The following NES variants were observed in gnomAD, a reference collection of about 807,000 sequenced individuals.
The protein encoded by NES is nestin.
Under a neutral mutation model 35.6 loss-of-function variants are expected in NES, and 27 were observed. That is an observed-to-expected ratio of 0.76 (90% CI 0.56 to 1.04). The LOEUF is 1.04. Ranked by LOEUF, NES falls within the 50% of genes least tolerant of loss-of-function variation. The pLI, the probability that NES is intolerant of heterozygous loss-of-function variation, is 0.00. For missense variants in NES, 1,867 were observed against 1,983.6 expected (o/e 0.94, Z 1.12); for synonymous variants, 822 against 824.2 (o/e 1.00, Z 0.04).
chr1:156,670,271 C>G lies in NES; in HGVS notation c.3917G>C (p.Arg1306Thr). Residue 1306 changes from arginine to threonine, a missense_variant, in exon 4 of 4, where the codon AGG becomes ACG. Physicochemically the swap from Arg to Thr is moderately conservative, Grantham distance 71 (BLOSUM62 -1). Coordinates refer to ENST00000368223, the MANE Select transcript of NES (RefSeq NM_006617.2). Reference sequence around the variant, plus strand: ...GTCCCACCTGGGGGAGGTGGGGGACCTGAGGTAGAAGCCCAGGGGAGTGGA... The same window carrying G: ...GTCCCACCTGGGGGAGGTGGGGGACGTGAGGTAGAAGCCCAGGGGAGTGGA... ...PDSTPLGFYL[R>T]SPTSPRWDPT... 3 of 1,611,524 alleles carry G rather than the reference C, an allele frequency of 1.9e-6. No homozygotes were observed. The highest frequency in any genetic ancestry group is 2.5e-6 in the Non-Finnish European group (3 of 1,178,398).
At position 156,677,103 on chromosome 1, in the gene NES, C is replaced by G. The variant is rs1220304275; in HGVS notation, c.162G>C (p.Ala54=). Residue 54 remains alanine (A), a synonymous_variant, in exon 1 of 4, where the codon GCG becomes GCC. Coordinates refer to ENST00000368223, the MANE Select transcript of NES (RefSeq NM_006617.2). This position sits in a 1 kb window ranked among gnomAD's most constrained non-coding sequence, Gnocchi z 4.5. ...GGGCCGCCAGCTCGTCGTCGGCATG[C>G]GCCCGCCAGGAGGTGTCCGCGGATT... ...RAQSADTSWR[A]HADDELAALR... The G allele has an allele frequency of 1.2e-6, 2 of 1,602,792 alleles. No individual in the cohort carries two copies. Among genetic ancestry groups the G allele is most frequent in the African/African-American group, 2.7e-5 (2 of 74,578 alleles).
intron 2 of NES, among the ~76,000 whole-genome samples, chr1:156,674,937 C>G (rs112099817): frequency 6.6e-6 from 1 of 152,108 alleles, no homozygotes; most frequent in Non-Finnish European, 1.5e-5. Context: ...TTGCCCCACA[C>G]GGGCCCAGCC....
chr1:156,677,243 C>G lies in NES; in HGVS notation c.22G>C (p.Glu8Gln). 1 of 1,612,562 alleles carries G rather than the reference C, an allele frequency of 6.2e-7. No homozygotes were observed. Among genetic ancestry groups the G allele is most frequent in the Non-Finnish European group, 8.5e-7 (1 of 1,179,850 alleles). Residue 8 changes from glutamate to glutamine, a missense_variant, in exon 1 of 4, where the codon GAG becomes CAG. Glu to Gln is a conservative substitution (Grantham distance 29). Coordinates refer to ENST00000368223, the MANE Select transcript of NES (RefSeq NM_006617.2). This position sits in a 1 kb window ranked among gnomAD's most constrained non-coding sequence, Gnocchi z 4.5. MEGCMGE[E>Q]SFQMWELNRR... Reference sequence around the variant, plus strand: ...TTGAGCTCCCACATCTGAAACGACTCCTCCCCCATGCAGCCCTCCATCCTG... The same window carrying G: ...TTGAGCTCCCACATCTGAAACGACTGCTCCCCCATGCAGCCCTCCATCCTG...
Position 156,676,147 on chromosome 1 carries a change from G to T in NES, c.783+335C>A, listed in dbSNP as rs1269122043. Among the ~76,000 whole-genome samples the T allele has an allele frequency of 1.3e-5, 2 of 152,248 alleles. No individual in the cohort carries two copies. Among genetic ancestry groups the T allele is most frequent in the African/African-American group, 2.4e-5 (1 of 41,470 alleles). ...GATTCAGCGCAGAGGCGACAGTGCT[G>T]GGTGTCCTCCTAGTAATACCAGAGC... On this transcript the variant is annotated intron_variant, in intron 1 of 3. Coordinates refer to ENST00000368223, the MANE Select transcript of NES (RefSeq NM_006617.2). The surrounding 1 kb of genome is among the most constrained non-coding windows in gnomAD (Gnocchi z 5.3).
chr1:156,670,348 C>T lies in NES; in HGVS notation c.3840G>A (p.Glu1280=), dbSNP rs751636108. 1 of 1,610,966 alleles carries T rather than the reference C, an allele frequency of 6.2e-7. No individual in the cohort carries two copies. ...EIPEGPQEEG[E]ESREESEEDE... ...CCTCCTCGCTCTCTTCTCTGCTCTC[C>T]TCCCCTTCCTCCTGGGGGCCCTCGG... The change falls in exon 4 of 4, where the codon GAG becomes GAA. Residue 1280 remains glutamate (E), a synonymous_variant. Transcript: ENST00000368223.
In NES at chr1:156,673,509, C is replaced by G. The variant is rs753225325; in HGVS notation, c.927G>C (p.Glu309Asp). The change falls in exon 3 of 4, where the codon GAG becomes GAC. Residue 309 changes from glutamate to aspartate, a missense_variant. Coordinates refer to ENST00000368223, the MANE Select transcript of NES (RefSeq NM_006617.2). ...CGCCAGGTGTTTGCAGCCGGGAGTT[C>G]TCAGCCTCCAGGAGGGTCCTGGAGA... ...VATYRTLLEA[E>D]NSRLQTPGGG... is the part of the protein sequence containing the mutation. The G allele has an allele frequency of 1.2e-6, 2 of 1,612,756 alleles. No individual in the cohort carries two copies. Among genetic ancestry groups the G allele is most frequent in the Non-Finnish European group, 1.7e-6 (2 of 1,179,118 alleles).
chr1:156,676,454 C>T lies in NES; in HGVS notation c.783+28G>A, dbSNP rs1647292359. 1 of 1,595,184 alleles carries T rather than the reference C, an allele frequency of 6.3e-7. No homozygotes were observed. The highest frequency in any genetic ancestry group is 1.1e-5 in the South Asian group (1 of 90,322). ...ACTTTCTGGAGCTTTCTGGGACTTT[C>T]TCTCACCCAGGCCCTCAACCTCCTC... is the stretch of plus-strand genomic sequence containing the variant. On this transcript the variant is annotated intron_variant, in intron 1 of 3. Transcript: ENST00000368223. This position sits in a 1 kb window ranked among gnomAD's most constrained non-coding sequence, Gnocchi z 5.3.
Position 156,673,024 on chromosome 1 carries a change from G to A in NES, c.1164C>T (p.Thr388=). The A allele has an allele frequency of 6.2e-7, 1 of 1,611,568 alleles. No homozygotes were observed. The highest frequency in any genetic ancestry group is 8.5e-7 in the Non-Finnish European group (1 of 1,178,052). ...LQARTPTLAS[T]PIPPTPQAPS... Reference sequence around the variant, plus strand: ...GTGCCTGAGGTGTGGGGGGGATGGGGGTGCTGGCCAAGGTAGGGGTACGGG... The same window carrying A: ...GTGCCTGAGGTGTGGGGGGGATGGGAGTGCTGGCCAAGGTAGGGGTACGGG... Residue 388 remains threonine (T), a synonymous_variant, in exon 4 of 4, where the codon ACC becomes ACT. Coordinates refer to ENST00000368223, the MANE Select transcript of NES (RefSeq NM_006617.2).
In NES at chr1:156,672,319, C is replaced by T; in HGVS notation, c.1869G>A (p.Gln623=). 1.2e-6 allele frequency: 2 copies of T among 1,610,920 alleles called. No homozygotes were observed. The highest frequency in any genetic ancestry group is 2.2e-5 in the South Asian group (2 of 90,622). ...TCTCCTTTTGCAGGGATTGCAATGT[C>T]TGTGTGTCCTCTTTTCCTGTAGGCT... ...QLKPTGKEDT[Q]TLQSLQKENQ... is the part of the protein sequence containing the mutation. Residue 623 remains glutamine (Q), a synonymous_variant, in exon 4 of 4, where the codon CAG becomes CAA. Coordinates refer to ENST00000368223, the MANE Select transcript of NES (RefSeq NM_006617.2).
Position 156,671,542 on chromosome 1 carries a change from T to C in NES, c.2646A>G (p.Arg882=), listed in dbSNP as rs1206057929. The C allele has an allele frequency of 1.2e-6, 2 of 1,613,890 alleles. No homozygotes were observed. The highest frequency in any genetic ancestry group is 1.7e-6 in the Non-Finnish European group (2 of 1,179,976). Residue 882 remains arginine, a synonymous_variant, in exon 4 of 4, where the codon AGA becomes AGG. Coordinates refer to ENST00000368223, the MANE Select transcript of NES (RefSeq NM_006617.2). ...ESVEVNQETF[R]LLEEENQESL... ...ATTCCTGATTCTCCTCTTCCAGGAG[T>C]CTGAATGTCTCTTGGTTCACTTCCA...
In NES at chr1:156,676,859, C is replaced by G; in HGVS notation, c.406G>C (p.Glu136Gln). The change falls in exon 1 of 4, where the codon GAG becomes CAG. Residue 136 changes from glutamate (E) to glutamine (Q), a missense_variant. Coordinates refer to ENST00000368223, the MANE Select transcript of NES (RefSeq NM_006617.2). The surrounding 1 kb of genome is among the most constrained non-coding windows in gnomAD (Gnocchi z 5.3). ...TGCGCCACGCGTAGAGCCTCTAGCTCGCGCTCCAGCTCTGCCACCTGGCTA... is the reference window on the plus strand; with the variant it reads ...TGCGCCACGCGTAGAGCCTCTAGCTGGCGCTCCAGCTCTGCCACCTGGCTA... ...LSSQVAELER[E>Q]LEALRVAHEE... 2 of 1,513,990 alleles carry G rather than the reference C, an allele frequency of 1.3e-6. No homozygotes were observed. The highest frequency in any genetic ancestry group is 1.7e-6 in the Non-Finnish European group (2 of 1,144,852). 93.8% of individuals were successfully genotyped at this position (1,513,990 alleles called of 1,614,324 possible). A position where few individuals can be genotyped will look rare whatever the true frequency, so the allele number is the denominator to read the frequency against.
In NES at chr1:156,670,590, G is replaced by A. The variant is rs1373731571; in HGVS notation, c.3598C>T (p.Pro1200Ser). 6 of 1,613,538 alleles carry A rather than the reference G, an allele frequency of 3.7e-6. No individual in the cohort carries two copies. Among genetic ancestry groups the A allele is most frequent in the Non-Finnish European group, 5.1e-6 (6 of 1,179,830 alleles). The change falls in exon 4 of 4, where the codon CCT becomes TCT. Residue 1200 changes from proline (P) to serine (S), a missense_variant. Pro to Ser is a moderately conservative substitution (Grantham distance 74, BLOSUM62 -1). Coordinates refer to ENST00000368223, the MANE Select transcript of NES (RefSeq NM_006617.2). Reference sequence around the variant, plus strand: ...TCTGACCCCAGAGGCCAAGGTGAAGGGGCATCACTTCCAGTGTGGCCCAGG... The same window carrying A: ...TCTGACCCCAGAGGCCAAGGTGAAGAGGCATCACTTCCAGTGTGGCCCAGG... ...ETLGHTGSDA[P>S]SPWPLGSEEA...
At position 156,672,275 on chromosome 1, in the gene NES, G is replaced by C. The variant is rs148672848; in HGVS notation, c.1913C>G (p.Ser638Cys). 1.2e-6 allele frequency: 2 copies of C among 1,602,158 alleles called. No individual in the cohort carries two copies. The highest frequency in any genetic ancestry group is 1.7e-6 in the Non-Finnish European group (2 of 1,176,190). Residue 638 changes from serine (S) to cysteine (C), a missense_variant, in exon 4 of 4, where the codon TCT (serine) becomes TGT (cysteine). Coordinates refer to ENST00000368223, the MANE Select transcript of NES (RefSeq NM_006617.2). ...LQKENQELMKSLEGNLETFLF... is the reference protein window; with the variant it reads ...LQKENQELMKCLEGNLETFLF... ...AAATGTCTCTAGATTACCTTCAAGA[G>C]ATTTCATTAGTTCTTGATTCTCCTT...
Position 156,669,391 on chromosome 1 carries a change from G to T in NES, c.4797C>A (p.Gly1599=). 4 of 1,611,398 alleles carry T rather than the reference G, an allele frequency of 2.5e-6. No homozygotes were observed. The highest frequency in any genetic ancestry group is 3.4e-6 in the Non-Finnish European group (4 of 1,178,104). ...TSWAGAPVHL[G]QGQFLKFTQR... ...GAGTGAACTTCAGGAACTGACCCTG[G>T]CCCAGGTGAACAGGAGCCCCTGCCC... Residue 1599 remains glycine (G), a synonymous_variant, in exon 4 of 4, where the codon GGC becomes GGA. Transcript: ENST00000368223.
Position 156,672,002 on chromosome 1 carries a change from T to C in NES, c.2186A>G (p.Asp729Gly), listed in dbSNP as rs1359296725. The C allele has an allele frequency of 6.2e-7, 1 of 1,614,072 alleles. No homozygotes were observed. Among genetic ancestry groups the C allele is most frequent in the Non-Finnish European group, 8.5e-7 (1 of 1,179,988 alleles). Residue 729 changes from aspartate to glycine, a missense_variant, in exon 4 of 4, where the codon GAC becomes GGC. Asp to Gly is a moderately conservative substitution (Grantham distance 94, BLOSUM62 -1). Coordinates refer to ENST00000368223, the MANE Select transcript of NES (RefSeq NM_006617.2). ...QEPLKTLEEE[D>G]QSIVRPLETE... ...TTCTAGAGGTCTCACAATACTCTGG[T>C]CCTCTTCTTCTAGAGTCTTCAGTGG...
Position 156,671,087 on chromosome 1 carries a change from C to T in NES, c.3101G>A (p.Gly1034Glu). 1 of 1,614,006 alleles carries T rather than the reference C, an allele frequency of 6.2e-7. No individual in the cohort carries two copies. Among genetic ancestry groups the T allele is most frequent in the Non-Finnish European group, 8.5e-7 (1 of 1,180,014 alleles). The change falls in exon 4 of 4, where the codon GGG (glycine) becomes GAG (glutamate). Residue 1034 changes from glycine to glutamate, a missense_variant. Coordinates refer to ENST00000368223, the MANE Select transcript of NES (RefSeq NM_006617.2). ...TTCAGGGTCCTGGAGGCCCTCAGCCCCTCCCTTCACACTGGCTCCCTCAAC... is the reference window on the plus strand; with the variant it reads ...TTCAGGGTCCTGGAGGCCCTCAGCCTCTCCCTTCACACTGGCTCCCTCAAC... ...GLVEGASVKG[G>E]AEGLQDPEGQ... is the part of the protein sequence containing the mutation.
At chr1:156,673,646 C>A (rs991078491) in intron 2 of NES, 119 bp from the exon 3 acceptor site, 13 of 618,534 alleles carry the variant, frequency 2.1e-5, no homozygotes, top group Non-Finnish European at 3.4e-5. Context: ...GCTTCCTCTT[C>A]ATTTGACACT....
chr1:156,672,685 G>T lies in NES; in HGVS notation c.1503C>A (p.Ile501=), dbSNP rs1679760827. The T allele has an allele frequency of 6.2e-7, 1 of 1,613,640 alleles. No individual in the cohort carries two copies. Among genetic ancestry groups the T allele is most frequent in the African/African-American group, 1.3e-5 (1 of 74,916 alleles). ...CTGTTTCTTTCTCTACCAACCCCCA[G>T]ATTTGCCCTTCACCTTCCCCTCGGC... ...SICRGEGEGQ[I]WGLVEKETAI... Residue 501 remains isoleucine, a synonymous_variant, in exon 4 of 4, where the codon ATC becomes ATA. Transcript: ENST00000368223.
In NES at chr1:156,670,575, G is replaced by A; in HGVS notation, c.3613C>T (p.Leu1205=). The A allele has an allele frequency of 6.2e-7, 1 of 1,613,098 alleles. No homozygotes were observed. Among genetic ancestry groups the A allele is most frequent in the Non-Finnish European group, 8.5e-7 (1 of 1,179,436 alleles). The change falls in exon 4 of 4, where the codon CTG becomes TTG. Residue 1205 remains leucine (L), a synonymous_variant. Coordinates refer to ENST00000368223, the MANE Select transcript of NES (RefSeq NM_006617.2). The part of the protein sequence containing the change: ...TGSDAPSPWP[L]GSEEAEEDVP... ...TCCTCCTCAGCTTCCTCTGACCCCAGAGGCCAAGGTGAAGGGGCATCACTT... is the reference window on the plus strand; with the variant it reads ...TCCTCCTCAGCTTCCTCTGACCCCAAAGGCCAAGGTGAAGGGGCATCACTT...
Sources: allele counts gnomAD v4.1 joint callset (sites outside exome capture counted in the v4.1 genomes callset), GRCh38; gene constraint gnomAD v4.1.1; non-coding constraint Gnocchi (gnomAD v3.1); transcripts MANE v1.5; gene names NCBI Gene and HGNC (gene_info 2026-07-23, HGNC 2026-07-21).